The following CEP41 variants were observed in gnomAD, a reference collection of about 807,000 sequenced individuals.
CEP41 encodes centrosomal protein 41, also known as centrosomal protein of 41 kDa.
In CEP41, 32 loss-of-function variants were observed where a neutral mutation model predicts 44.3. That is an observed-to-expected ratio of 0.72 (90% CI 0.54 to 0.97). The LOEUF (loss-of-function observed/expected upper bound fraction) is 0.97, where lower values mean the gene tolerates loss of function less well. Ranked by LOEUF, CEP41 falls within the 50% of genes least tolerant of loss-of-function variation. CEP41 has a pLI of 0.00. For synonymous variants in CEP41, 151 were observed against 168.5 expected, an observed-to-expected ratio of 0.90 and a Z score of 0.80; for missense variants, 432 against 455.2, an observed-to-expected ratio of 0.95 and a Z score of 0.46.
intron 6 of CEP41, 128 bp downstream of exon 6, chr7:130,404,436 A>G: frequency 1.4e-6 from 1 of 740,612 alleles, no homozygotes; most frequent in East Asian, 2.6e-5. Flanking sequence ...GAAGGCTGGG[A>G]TTAAAATGTG....
In CEP41 at chr7:130,440,963, A is replaced by C. The variant is rs782769549; in HGVS notation, c.4T>G (p.Ser2Ala). The C allele has an allele frequency of 1.7e-5, 28 of 1,612,604 alleles. No individual in the cohort carries two copies. In the East Asian group the frequency reaches 4.7e-4, roughly 27 times the overall value. Residue 2 changes from serine to alanine, a missense_variant, in exon 1 of 11, where the codon TCC becomes GCC. By Grantham distance (99) the Ser-to-Ala change is moderately conservative. Coordinates refer to ENST00000223208, the MANE Select transcript of CEP41 (RefSeq NM_018718.3). ...GGGTTCCCAATGTGCCTCCGGAGGGACATATTTTCTCCAACCGACCACGTT... is the reference window on the plus strand; with the variant it reads ...GGGTTCCCAATGTGCCTCCGGAGGGCCATATTTTCTCCAACCGACCACGTT... The part of the protein sequence containing the change: M[S>A]LRRHIGNPEY...
intron 1 of CEP41, 94 bp from the exon 2 acceptor site, chr7:130,428,112 G>C: frequency 1.1e-6 from 1 of 885,554 alleles, no homozygotes; most frequent in South Asian, 1.4e-5. Flanking sequence ...TGGAAAAAAA[G>C]TGCTAAAATT....
chr7:130,421,391 G>A (rs531138412), intron 2 of CEP41: 1 of 985,406 alleles, frequency 1.0e-6, no homozygotes, highest in Non-Finnish European at 1.2e-6. Context: ...AGAGCAGAAA[G>A]CATGAAAAGA....
Position 130,404,612 on chromosome 7 carries a change from A to C in CEP41, c.374T>G (p.Phe125Cys). 6.2e-7 allele frequency: 1 copy of C among 1,613,940 alleles called. No homozygotes were observed. The highest frequency in any genetic ancestry group is 8.5e-7 in the Non-Finnish European group (1 of 1,179,814). Residue 125 changes from phenylalanine to cysteine, a missense_variant, in exon 6 of 11, where the codon TTC (phenylalanine) becomes TGC (cysteine). Coordinates refer to ENST00000223208, the MANE Select transcript of CEP41 (RefSeq NM_018718.3). ...GTCCCCTGCTCCTGCGTTGTTTATGAACTGCTCAGGGCTCGGCGACTGCTC... is the reference window on the plus strand; with the variant it reads ...GTCCCCTGCTCCTGCGTTGTTTATGCACTGCTCAGGGCTCGGCGACTGCTC... The part of the protein sequence containing the change: ...PGEQSPSPEQ[F>C]INNAGAGDSS...
intron 3 of CEP41, among the ~76,000 whole-genome samples, chr7:130,414,321 G>T (rs1233744665): frequency 1.3e-5 from 2 of 152,174 alleles, no homozygotes; most frequent in African/African-American, 4.8e-5. Context: ...CAAATAGGCC[G>T]AGCTGAGGCT....
At chr7:130,437,365 C>A (rs199761651) in intron 1 of CEP41, among the ~76,000 whole-genome samples, 34 of 146,578 alleles carry the variant, frequency 2.3e-4, no homozygotes, top group East Asian at 4.0e-4. Context: ...ACACTGGGGA[C>A]AAAAAAAAAA....
At chr7:130,408,302 C>A (rs551078444) in intron 5 of CEP41, among the ~76,000 whole-genome samples, 2 of 152,222 alleles carry the variant, frequency 1.3e-5, no homozygotes, top group East Asian at 3.9e-4. Context: ...ATTGTTCCAA[C>A]TAATCAAGAT....
At chr7:130,409,312 A>C (rs1332064953) in intron 5 of CEP41, among the ~76,000 whole-genome samples, 1 of 152,240 alleles carries the variant, frequency 6.6e-6, no homozygotes, top group East Asian at 1.9e-4. Flanking sequence ...GTGCAAATTT[A>C]TCTCAGAAGA....
chr7:130,440,816 CGCCGGCCCCTT>C, intron 1 of CEP41, 107 bp downstream of exon 1: 1 of 654,170 alleles, frequency 1.5e-6, no homozygotes, highest in Non-Finnish European at 2.6e-6. Flanking sequence ...CCCCTCCTCA[CGCCGGCCCCTT>C]CCCGCCTTCC....
chr7:130,411,222 G>GTTT (rs1562984175), intron 4 of CEP41, 31 bp from the exon 5 acceptor site: 2 of 1,569,622 alleles, frequency 1.3e-6, no homozygotes, highest in Non-Finnish European at 1.8e-6. Context: ...ATGTGTGGAT[G>GTTT]TTTGTTTGTT....
At chr7:130,435,378 A>T (rs1797931964) in intron 1 of CEP41, among the ~76,000 whole-genome samples, 1 of 152,170 alleles carries the variant, frequency 6.6e-6, no homozygotes, top group Non-Finnish European at 1.5e-5. Context: ...CATCACCAAC[A>T]ACACAAAAGG....
At chr7:130,408,836 AT>A (rs1158503097) in intron 5 of CEP41, among the ~76,000 whole-genome samples, 5 of 152,222 alleles carry the variant, frequency 3.3e-5, no homozygotes, top group Non-Finnish European at 7.3e-5. Context: ...CAAGAGAATA[AT>A]TAAATTATGG....
chr7:130,404,849 C>A lies in CEP41; in HGVS notation c.278-141G>T, dbSNP rs920095998. ...GTGGAAGTGCTAACGTACAAGTTCC[C>A]AAAGTGTAGTGGACCCCAAACATCC... On this transcript the variant is annotated intron_variant, in intron 5 of 10. Coordinates refer to ENST00000223208, the MANE Select transcript of CEP41 (RefSeq NM_018718.3). 11 of 749,118 alleles carry A rather than the reference C, an allele frequency of 1.5e-5. No individual in the cohort carries two copies. The African/African-American group carries it at 1.9e-4, about 13-fold the overall frequency. 46.4% of individuals were successfully genotyped at this position (749,118 alleles called of 1,614,324 possible). A position where few individuals can be genotyped will look rare whatever the true frequency, so the allele number is the denominator to read the frequency against.
chr7:130,396,022 C>G lies in CEP41; in HGVS notation c.*2869G>C. 2.2e-6 allele frequency: 1 copy of G among 453,996 alleles called. No individual in the cohort carries two copies. The highest frequency in any genetic ancestry group is 1.6e-5 in the South Asian group (1 of 64,466). The allele number at this position is 453,996 out of a possible 1,614,324, so 28.1% of individuals were successfully genotyped here. On this transcript the variant is annotated 3_prime_UTR_variant, in exon 11 of 11. Coordinates refer to ENST00000223208, the MANE Select transcript of CEP41 (RefSeq NM_018718.3). ...AATAAGTAATGTAGCTTTCTCCTTTCTCTCTCGCTTTCTGCTTCTTTTCTT... is the reference window on the plus strand; with the variant it reads ...AATAAGTAATGTAGCTTTCTCCTTTGTCTCTCGCTTTCTGCTTCTTTTCTT...
chr7:130,421,060 G>A (rs1797493292), intron 2 of CEP41: 2 of 983,026 alleles, frequency 2.0e-6, no homozygotes, highest in Non-Finnish European at 1.2e-6. Flanking sequence ...TACAACTAAA[G>A]TTGTGATAAA....
chr7:130,420,881 A>G, intron 2 of CEP41: 2 of 938,428 alleles, frequency 2.1e-6, no homozygotes, highest in Non-Finnish European at 2.5e-6. Context: ...TATAATGCAA[A>G]TACTTCCCAA....
At chr7:130,402,363 A>G (rs1432052887) in intron 7 of CEP41, among the ~76,000 whole-genome samples, 2 of 151,958 alleles carry the variant, frequency 1.3e-5, no homozygotes, top group Admixed American at 6.5e-5. Context: ...ACAAAAAAAA[A>G]AATCAACAAG....
At position 130,396,262 on chromosome 7, in the gene CEP41, CCT is replaced by C. The variant is rs1212170906; in HGVS notation, c.*2627_*2628del. 2.2e-6 allele frequency: 1 copy of C among 454,076 alleles called. No homozygotes were observed. Among genetic ancestry groups the C allele is most frequent in the Non-Finnish European group, 4.4e-6 (1 of 226,782 alleles). The allele number at this position is 454,076 out of a possible 1,614,324, so 28.1% of individuals were successfully genotyped here. A position where few individuals can be genotyped will look rare whatever the true frequency, so the allele number is the denominator to read the frequency against. On this transcript the variant is annotated 3_prime_UTR_variant, in exon 11 of 11. Coordinates refer to ENST00000223208, the MANE Select transcript of CEP41 (RefSeq NM_018718.3). Reference sequence around the variant, plus strand: ...CCCAGACAAGGGCAGCTAGTCAACCCCTGAGACGCTGGTAGGAAGCCATGATC... The same window carrying C: ...CCCAGACAAGGGCAGCTAGTCAACCCGAGACGCTGGTAGGAAGCCATGATC...
intron 2 of CEP41, 126 bp from the exon 3 acceptor site, chr7:130,417,092 G>T: frequency 7.2e-7 from 1 of 1,391,360 alleles, no homozygotes; most frequent in Non-Finnish European, 9.9e-7. Context: ...ATTCTGGACA[G>T]CAGCAAACAG....
Sources: allele counts gnomAD v4.1 joint callset (sites outside exome capture counted in the v4.1 genomes callset), GRCh38; gene constraint gnomAD v4.1.1; transcripts MANE v1.5; gene names NCBI Gene and HGNC (gene_info 2026-07-23, HGNC 2026-07-21).